HS3ST4: variants seen among roughly 807,000 people sequenced by gnomAD.
HS3ST4 encodes heparan sulfate-glucosamine 3-sulfotransferase 4.
HS3ST4 carries 17 observed loss-of-function variants against 29.2 expected under a neutral mutation model. The observed-to-expected ratio is 0.58, with a 90% CI of 0.40 to 0.87. The LOEUF (loss-of-function observed/expected upper bound fraction) is 0.87, where lower values mean the gene tolerates loss of function less well. Ranked by LOEUF, HS3ST4 falls within the 40% of genes least tolerant of loss-of-function variation. HS3ST4 has a pLI of 0.00. For synonymous variants in HS3ST4, 314 were observed against 285.7 expected, an observed-to-expected ratio of 1.10 and a Z score of -1.00; for missense variants, 627 against 634.5, an observed-to-expected ratio of 0.99 and a Z score of 0.13.
intron 1 of HS3ST4, among the ~76,000 whole-genome samples, chr16:25,950,582 T>C (rs114571824): frequency 0.016 from 2,359 of 152,144 alleles, 68 homozygotes; most frequent in African/African-American, 0.055. Flanking sequence ...CTGAAATGTT[T>C]ATTTTCAACC....
At chr16:25,990,849 C>T (rs908348656) in intron 1 of HS3ST4, among the ~76,000 whole-genome samples, 2 of 152,160 alleles carry the variant, frequency 1.3e-5, no homozygotes, top group African/African-American at 4.8e-5. Context: ...GGGCAGTTTC[C>T]ATTCATTTCA....
intron 1 of HS3ST4, among the ~76,000 whole-genome samples, chr16:26,035,246 T>C (rs1969571813): frequency 1.3e-5 from 2 of 152,218 alleles, no homozygotes; most frequent in South Asian, 4.1e-4. Flanking sequence ...GAGGTGGTCA[T>C]TATTTGCTTG....
At chr16:25,846,351 CAGTA>C (rs1358869620) in intron 1 of HS3ST4, among the ~76,000 whole-genome samples, 1 of 152,110 alleles carries the variant, frequency 6.6e-6, no homozygotes, top group African/African-American at 2.4e-5. Context: ...CTGGGCGACA[CAGTA>C]AGACCCTGTC....
At chr16:26,030,111 GTC>G in intron 1 of HS3ST4, among the ~76,000 whole-genome samples, 1 of 152,288 alleles carries the variant, frequency 6.6e-6, no homozygotes, top group Non-Finnish European at 1.5e-5. Flanking sequence ...ATAGATTTTT[GTC>G]TCATCTTCAT....
At chr16:25,854,837 A>T (rs1218103248) in intron 1 of HS3ST4, among the ~76,000 whole-genome samples, 2 of 151,830 alleles carry the variant, frequency 1.3e-5, no homozygotes, top group Non-Finnish European at 2.9e-5. Flanking sequence ...AAAGAGGTTT[A>T]TTCTGAGCCA....
chr16:25,988,364 T>C (rs1307565834), intron 1 of HS3ST4, among the ~76,000 whole-genome samples: 1 of 152,070 alleles, frequency 6.6e-6, no homozygotes, highest in Non-Finnish European at 1.5e-5. Flanking sequence ...ACAGATGCCC[T>C]CCCCCAAGCT....
chr16:25,857,096 CAG>C lies in HS3ST4; in HGVS notation c.734+163949_734+163950del, dbSNP rs1381209257. On this transcript the variant is annotated intron_variant, in intron 1 of 1. Coordinates refer to ENST00000331351, the MANE Select transcript of HS3ST4 (RefSeq NM_006040.3). ...AAACACCCAGTTGATGTCAGAGAAT[CAG>C]AGACTCCCTAAGTCTGGGGGCCTTA... Among the ~76,000 whole-genome samples the C allele has an allele frequency of 3.3e-5, 5 of 152,314 alleles. No homozygotes were observed. The East Asian group carries it at 7.7e-4, about 23-fold the overall frequency.
chr16:25,904,290 A>G (rs1385443267), intron 1 of HS3ST4, among the ~76,000 whole-genome samples: 2 of 152,202 alleles, frequency 1.3e-5, no homozygotes, highest in African/African-American at 2.4e-5. Flanking sequence ...TGGCATTTCT[A>G]ACCTCTCATG....
At chr16:25,756,441 G>T (rs1211042079) in intron 1 of HS3ST4, among the ~76,000 whole-genome samples, 1 of 152,160 alleles carries the variant, frequency 6.6e-6, no homozygotes, top group Non-Finnish European at 1.5e-5. Flanking sequence ...ATCCAGTTGA[G>T]GGATGATTAA....
At chr16:26,036,278 T>C (rs765982690) in intron 1 of HS3ST4, among the ~76,000 whole-genome samples, 15 of 152,198 alleles carry the variant, frequency 9.9e-5, no homozygotes, top group Non-Finnish European at 2.1e-4. Flanking sequence ...TATTCATGGA[T>C]TGGGGGAAGC....
intron 1 of HS3ST4, among the ~76,000 whole-genome samples, chr16:25,786,272 C>T (rs1338510505): frequency 6.6e-6 from 1 of 152,150 alleles, no homozygotes; most frequent in East Asian, 1.9e-4. Flanking sequence ...TGGTTAAGAA[C>T]ATAGTCCCTG....
chr16:25,858,047 CTCTT>C (rs781044378), intron 1 of HS3ST4, among the ~76,000 whole-genome samples: 4 of 144,284 alleles, frequency 2.8e-5, no homozygotes, highest in Admixed American at 7.0e-5. Context: ...TTTCTTCTTT[CTCTT>C]TCTTTCTTTC....
intron 1 of HS3ST4, among the ~76,000 whole-genome samples, chr16:25,727,277 G>A (rs896323154): frequency 3.3e-5 from 5 of 152,166 alleles, no homozygotes; most frequent in African/African-American, 1.2e-4. Flanking sequence ...CATATCTGCA[G>A]AAGGGATGCA....
chr16:25,854,560 C>T lies in HS3ST4; in HGVS notation c.734+161409C>T, dbSNP rs1967556144. Among the ~76,000 whole-genome samples, 3 of 152,080 alleles carry T rather than the reference C, an allele frequency of 2.0e-5. No homozygotes were observed. In the South Asian group the frequency reaches 6.2e-4, roughly 32 times the overall value. On this transcript the variant is annotated intron_variant, in intron 1 of 1. Coordinates refer to ENST00000331351, the MANE Select transcript of HS3ST4 (RefSeq NM_006040.3). ...CCTGTGACTTAGAATGCCTAACCTC[C>T]TGGGAATGCAGCCCAGTAGGTCTCA...
intron 1 of HS3ST4, among the ~76,000 whole-genome samples, chr16:25,975,353 A>C (rs775387921): frequency 1.5e-4 from 23 of 152,080 alleles, no homozygotes; most frequent in Non-Finnish European, 2.6e-4. Flanking sequence ...TACCATACTG[A>C]CTACCTGGGT....
chr16:26,130,953 G>A (rs1400877444), intron 1 of HS3ST4, among the ~76,000 whole-genome samples: 2 of 152,142 alleles, frequency 1.3e-5, no homozygotes, highest in Admixed American at 6.5e-5. Context: ...AATTGACTTG[G>A]TATCTTCCCC....
intron 1 of HS3ST4, among the ~76,000 whole-genome samples, chr16:25,699,925 C>T (rs1966323754): frequency 6.6e-6 from 1 of 152,162 alleles, no homozygotes; most frequent in Non-Finnish European, 1.5e-5. Flanking sequence ...AAATGTCTCT[C>T]TCCTCTTCTT....
intron 1 of HS3ST4, among the ~76,000 whole-genome samples, chr16:25,801,238 A>G (rs1966930735): frequency 6.6e-6 from 1 of 152,188 alleles, no homozygotes; most frequent in Non-Finnish European, 1.5e-5. Flanking sequence ...TATCGTGGGT[A>G]GTATTTCATG....
intron 1 of HS3ST4, among the ~76,000 whole-genome samples, chr16:26,093,843 C>T (rs567106740): frequency 2.8e-4 from 43 of 152,188 alleles, no homozygotes; most frequent in African/African-American, 9.6e-4. Flanking sequence ...TCAAACCCAT[C>T]GCAAGGAAGC....
Sources: allele counts gnomAD v4.1 joint callset (sites outside exome capture counted in the v4.1 genomes callset), GRCh38; gene constraint gnomAD v4.1.1; transcripts MANE v1.5; gene names NCBI Gene and HGNC (gene_info 2026-07-23, HGNC 2026-07-21).